SWI5: variants seen among roughly 807,000 people sequenced by gnomAD.
SWI5 encodes the protein DNA repair protein SWI5 homolog.
Under a neutral mutation model 17.0 loss-of-function variants are expected in SWI5, and 12 were observed. The observed-to-expected ratio is 0.71, with a 90% CI of 0.45 to 1.14. The LOEUF (loss-of-function observed/expected upper bound fraction) is 1.14. Among genes scored for constraint, SWI5 ranks in the 50% most tolerant of loss-of-function variants. The probability of loss-of-function intolerance (pLI) is 0.00; values close to 1 mark genes in which losing one functional copy is unlikely to be tolerated. For missense variants in SWI5, 158 were observed against 162.2 expected (o/e 0.97, Z 0.14); for synonymous variants, 61 against 64.0 (o/e 0.95, Z 0.22).
intron 2 of SWI5, 23 bp from the exon 3 acceptor site, chr9:128,284,487 T>C (rs1588506493): frequency 6.2e-7 from 1 of 1,610,656 alleles, no homozygotes; most frequent in East Asian, 2.2e-5. Flanking sequence ...TCAGTCTGGC[T>C]GATGACTTTT....
upstream of SWI5, chr9:128,275,387 C>T: frequency 7.8e-7 from 1 of 1,282,766 alleles, no homozygotes; most frequent in Non-Finnish European, 9.9e-7. Context: ...ATCAGCGCGA[C>T]GTCCAAGTCG....
At chr9:128,282,583 A>G (rs1025044792) in intron 2 of SWI5, among the ~76,000 whole-genome samples, 14 of 152,080 alleles carry the variant, frequency 9.2e-5, no homozygotes, top group African/African-American at 2.7e-4. Context: ...GGGCTAGGCT[A>G]TGCCTTCTAT....
chr9:128,286,836 G>A (rs1431966501), intron 4 of SWI5, among the ~76,000 whole-genome samples: 2 of 152,042 alleles, frequency 1.3e-5, no homozygotes, highest in Admixed American at 6.6e-5. Context: ...TGAGGGGAGT[G>A]TAGCCTAGTG....
rs1363097663 is a variant in SWI5, at chr9:128,285,016, C to G, written c.233+385C>G. ...TCTAACTGCCCAGTAACTGAAAAAC[C>G]CAGTCGCACTGGCCTAGCATAGAAA... is the stretch of plus-strand genomic sequence containing the variant. On this transcript the variant is annotated intron_variant, in intron 3 of 4. Transcript: ENST00000418976. This position sits in a 1 kb window ranked among gnomAD's most constrained non-coding sequence, Gnocchi z 4.8. 6.7e-5 allele frequency among the ~76,000 whole-genome samples: 10 copies of G among 149,784 alleles called. No individual in the cohort carries two copies. Among genetic ancestry groups the G allele is most frequent in the Non-Finnish European group, 1.3e-4 (9 of 67,724 alleles).
At chr9:128,280,417 C>T (rs1272330175) in intron 2 of SWI5, among the ~76,000 whole-genome samples, 1 of 152,048 alleles carries the variant, frequency 6.6e-6, no homozygotes, top group Non-Finnish European at 1.5e-5. Context: ...CCTCCAACTG[C>T]CCTTGCATCA....
intron 1 of SWI5, 64 bp downstream of exon 1, chr9:128,276,466 C>G: frequency 6.3e-7 from 1 of 1,588,072 alleles, no homozygotes; most frequent in Non-Finnish European, 8.6e-7. Context: ...CCAGACTCTC[C>G]CTTCCCAGAA....
intron 1 of SWI5, 74 bp downstream of exon 1, chr9:128,276,476 AATC>A (rs1831381911): frequency 6.3e-7 from 1 of 1,582,606 alleles, no homozygotes; most frequent in African/African-American, 1.4e-5. Context: ...CCTTCCCAGA[AATC>A]ACCTCCAAAG....
At chr9:128,277,789 T>C (rs560894462) in intron 2 of SWI5, among the ~76,000 whole-genome samples, 2 of 152,242 alleles carry the variant, frequency 1.3e-5, no homozygotes, top group Non-Finnish European at 2.9e-5. Context: ...CAACTCACAG[T>C]GAGCTCAGAT....
At chr9:128,277,405 T>G (rs181565252) in intron 2 of SWI5, among the ~76,000 whole-genome samples, 5 of 151,902 alleles carry the variant, frequency 3.3e-5, no homozygotes, top group African/African-American at 1.2e-4. Flanking sequence ...TACAAAAAAA[T>G]CAGCCGAGCG....
upstream of SWI5, chr9:128,275,579 T>C: frequency 9.3e-7 from 1 of 1,078,608 alleles, no homozygotes; most frequent in Non-Finnish European, 1.2e-6. Context: ...ATTGCTGGGG[T>C]CCTAGGTCCT....
At chr9:128,276,278 T>G in exon 1 of SWI5, 1 of 1,612,712 alleles carries the variant, frequency 6.2e-7, no homozygotes, top group Non-Finnish European at 8.5e-7. Context: ...TGTGCGCCAG[T>G]TCACACTCCG....
intron 2 of SWI5, among the ~76,000 whole-genome samples, chr9:128,277,744 C>T (rs986740965): frequency 6.6e-6 from 1 of 152,154 alleles, no homozygotes; most frequent in Non-Finnish European, 1.5e-5. Flanking sequence ...GAGGGCTCTC[C>T]AGAGATGGCA....
intron 2 of SWI5, among the ~76,000 whole-genome samples, chr9:128,281,699 G>C (rs1831542440): frequency 6.6e-6 from 1 of 152,234 alleles, no homozygotes; most frequent in South Asian, 2.1e-4. Context: ...CCCTCATGGA[G>C]CTTACACTTC....
rs1564374936 is a variant in SWI5, at chr9:128,284,507, C to T, written c.112-3C>T. On this transcript the variant is annotated splice_region_variant and splice_polypyrimidine_tract_variant and intron_variant, in intron 2 of 4. Coordinates refer to ENST00000418976, the Ensembl canonical transcript of SWI5. ...CTGGCTGATGACTTTTTCTGCCTCT[C>T]AGAGGCCATTGCCCAAGTCTGGCCA... The T allele has an allele frequency of 6.2e-7, 1 of 1,612,826 alleles. No homozygotes were observed. Among genetic ancestry groups the T allele is most frequent in the African/African-American group, 1.3e-5 (1 of 74,912 alleles).
upstream of SWI5, chr9:128,276,045 A>G (rs146186513): frequency 0.012 from 19,107 of 1,585,838 alleles, 153 homozygotes; most frequent in Middle Eastern, 0.017. Flanking sequence ...GAGCCAGAGG[A>G]GGCGTAACCA....
rs1275523807 is a variant in SWI5, at chr9:128,285,307, G to GAAGA, written c.234-624_234-621dup. On this transcript the variant is annotated intron_variant, in intron 3 of 4. Transcript: ENST00000418976. This position sits in a 1 kb window ranked among gnomAD's most constrained non-coding sequence, Gnocchi z 4.8. ...GAAGGAAGGAAGGAAAGGAAGGAAG[G>GAAGA]AAGAAAGAAAGGAAGGACTATGCTT... 6.6e-6 allele frequency among the ~76,000 whole-genome samples: 1 copy of GAAGA among 151,614 alleles called. No homozygotes were observed. The highest frequency in any genetic ancestry group is 1.9e-4 in the East Asian group (1 of 5,170).
At position 128,285,295 on chromosome 9, in the gene SWI5, A is replaced by C. The variant is rs569606608; in HGVS notation, c.234-644A>C. On this transcript the variant is annotated intron_variant, in intron 3 of 4. Transcript: ENST00000418976. This position sits in a 1 kb window ranked among gnomAD's most constrained non-coding sequence, Gnocchi z 4.8. Reference sequence around the variant, plus strand: ...AGGAAGGGAAAGGAAGGAAGGAAGGAAAGGAAGGAAGGAAGAAAGAAAGGA... The same window carrying C: ...AGGAAGGGAAAGGAAGGAAGGAAGGCAAGGAAGGAAGGAAGAAAGAAAGGA... 1.3e-5 allele frequency among the ~76,000 whole-genome samples: 2 copies of C among 151,678 alleles called. No homozygotes were observed. The highest frequency in any genetic ancestry group is 3.9e-4 in the East Asian group (2 of 5,168).
intron 2 of SWI5, among the ~76,000 whole-genome samples, chr9:128,283,053 G>A (rs770861117): frequency 7.9e-5 from 12 of 152,182 alleles, no homozygotes; most frequent in Non-Finnish European, 1.2e-4. Context: ...AGTGGCTCAC[G>A]CCTGTAATCC....
exon 5 of SWI5, chr9:128,288,757 AG>A (rs755786700): frequency 5.5e-5 from 88 of 1,606,974 alleles, no homozygotes; most frequent in Non-Finnish European, 7.0e-5. Flanking sequence ...CAGGGACAGA[AG>A]GGTGTGGACA....
Sources: gnomAD v4.1 joint callset for allele counts (sites outside exome capture counted in the v4.1 genomes callset) on GRCh38, gnomAD v4.1.1 for gene constraint, Gnocchi (gnomAD v3.1) non-coding constraint, MANE v1.5 for transcripts, NCBI Gene and HGNC (gene_info 2026-07-23, HGNC 2026-07-21) for gene names.